The following CACNG4 variants were observed in gnomAD, a reference collection of about 807,000 sequenced individuals.
CACNG4 encodes calcium voltage-gated channel auxiliary subunit gamma 4.
CACNG4 carries 8 observed loss-of-function variants against 22.9 expected under a neutral mutation model. The ratio of observed to expected loss-of-function variants is 0.35; its 90% CI spans 0.21 to 0.63. The LOEUF is 0.63. Ranked by LOEUF, CACNG4 falls within the 30% of genes least tolerant of loss-of-function variation. The pLI is 0.72. For missense variants in CACNG4, 357 were observed against 455.4 expected (o/e 0.78, Z 1.97); for synonymous variants, 188 against 191.9 (o/e 0.98, Z 0.17).
At chr17:66,982,066 A>G (rs1258575083) in intron 1 of CACNG4, among the ~76,000 whole-genome samples, 1 of 152,200 alleles carries the variant, frequency 6.6e-6, no homozygotes, top group Non-Finnish European at 1.5e-5. Context: ...GAATGAAGCC[A>G]TGGACGTTTG....
chr17:67,001,036 G>C (rs1413040563), intron 1 of CACNG4, among the ~76,000 whole-genome samples: 1 of 151,970 alleles, frequency 6.6e-6, no homozygotes, highest in African/African-American at 2.4e-5. Context: ...GGAGGGACCT[G>C]GGGGGAGGTA....
chr17:66,998,763 G>A (rs1029141580), intron 1 of CACNG4, among the ~76,000 whole-genome samples: 1 of 152,206 alleles, frequency 6.6e-6, no homozygotes, highest in African/African-American at 2.4e-5. Context: ...TTTCATTTGG[G>A]AACAATCTGC....
rs150301909 is a variant in CACNG4 at position 67,031,424 on chromosome 17, C to G, written c.*420C>G. 2.2e-6 allele frequency: 1 copy of G among 462,184 alleles called. No individual in the cohort carries two copies. The highest frequency in any genetic ancestry group is 2.3e-5 in the Admixed American group (1 of 42,712). 28.6% of individuals were successfully genotyped at this position (462,184 alleles called of 1,614,324 possible). On this transcript the variant is annotated 3_prime_UTR_variant, in exon 4 of 4. Coordinates refer to ENST00000262138, the MANE Select transcript of CACNG4 (RefSeq NM_014405.4). This position sits in a 1 kb window ranked among gnomAD's most constrained non-coding sequence, Gnocchi z 4.0. ...GTGTCGGGCCACCAGAAGGCTCTGCCGGACGCCAAGAAGACGGTCTCTGGG... is the reference window on the plus strand; with the variant it reads ...GTGTCGGGCCACCAGAAGGCTCTGCGGGACGCCAAGAAGACGGTCTCTGGG...
intron 1 of CACNG4, among the ~76,000 whole-genome samples, chr17:66,972,371 A>T (rs1598100448): frequency 6.6e-6 from 1 of 152,092 alleles, no homozygotes; most frequent in Non-Finnish European, 1.5e-5. Flanking sequence ...ATCCTCTGTC[A>T]CAGGAGCTGT....
At chr17:67,011,520 G>T (rs1034530474) in intron 1 of CACNG4, among the ~76,000 whole-genome samples, 4 of 152,094 alleles carry the variant, frequency 2.6e-5, no homozygotes, top group African/African-American at 9.7e-5. Context: ...GCCTTGCCCT[G>T]CTCCACCAGA....
intron 1 of CACNG4, among the ~76,000 whole-genome samples, chr17:66,972,517 A>G (rs190029798): frequency 1.3e-5 from 2 of 152,346 alleles, no homozygotes; most frequent in Admixed American, 1.3e-4. Context: ...AACTGCCCCC[A>G]TGGAGAACCT....
At chr17:67,024,128 C>T (rs2143367245) in intron 2 of CACNG4, among the ~76,000 whole-genome samples, 1 of 152,308 alleles carries the variant, frequency 6.6e-6, no homozygotes, top group Non-Finnish European at 1.5e-5. Flanking sequence ...TCACGAGCAT[C>T]CCTCTCGGCC....
chr17:67,023,680 T>C (rs1254177828), intron 2 of CACNG4, among the ~76,000 whole-genome samples: 1 of 151,770 alleles, frequency 6.6e-6, no homozygotes, highest in Non-Finnish European at 1.5e-5. Context: ...CGAGAGATTC[T>C]CCTGCCTCAG....
rs148086401 is a variant in CACNG4 at position 66,978,415 on chromosome 17, G to A, written c.220+13284G>A. On this transcript the variant is annotated intron_variant, in intron 1 of 3. Coordinates refer to ENST00000262138, the MANE Select transcript of CACNG4 (RefSeq NM_014405.4). ...GGGAGGGGACCCAGAGTGAAGATGG[G>A]TCTCAGAGGAAGGGGGGCTTCGGTT... is the stretch of plus-strand genomic sequence containing the variant. Among the ~76,000 whole-genome samples, 27 of 152,252 alleles carry A rather than the reference G, an allele frequency of 1.8e-4. No homozygotes were observed. In the East Asian group the frequency reaches 5.0e-3, roughly 28 times the overall value.
intron 1 of CACNG4, among the ~76,000 whole-genome samples, chr17:66,993,553 A>G (rs2035354855): frequency 6.6e-6 from 1 of 152,184 alleles, no homozygotes; most frequent in Non-Finnish European, 1.5e-5. Context: ...GTTCTTGCAC[A>G]CACAAGGGGG....
chr17:66,975,722 A>T (rs1316415261), intron 1 of CACNG4, among the ~76,000 whole-genome samples: 3 of 151,984 alleles, frequency 2.0e-5, no homozygotes, highest in Admixed American at 6.6e-5. Context: ...GAAGCTGAGC[A>T]CCCCCCAGTG....
chr17:66,965,850 T>TG (rs1567747681), intron 1 of CACNG4, among the ~76,000 whole-genome samples: 2 of 150,632 alleles, frequency 1.3e-5, no homozygotes, highest in Non-Finnish European at 3.0e-5. Context: ...CGCTGTGCGG[T>TG]GGGGTGGTAA....
At chr17:66,977,450 G>C (rs9902939) in intron 1 of CACNG4, among the ~76,000 whole-genome samples, 23,678 of 152,190 alleles carry the variant, frequency 0.16, 3,439 homozygotes, top group African/African-American at 0.38. Flanking sequence ...GGATCGATGA[G>C]ACCTGCATTT....
chr17:66,999,577 G>A (rs1050240320), intron 1 of CACNG4, among the ~76,000 whole-genome samples: 7 of 152,302 alleles, frequency 4.6e-5, no homozygotes, highest in South Asian at 2.1e-4. Context: ...GACAGCGAGC[G>A]AAGAGGGAAC....
chr17:66,964,956 C>T lies in CACNG4; in HGVS notation c.45C>T (p.Ala15=). The change falls in exon 1 of 4, where the codon GCC becomes GCT. Residue 15 remains alanine, a synonymous_variant. Transcript: ENST00000262138. ...GGCTGCAGATGCTGCTGACCACGGC[C>T]GGAGCCTTCGCCGCCTTCTCGCTCA... ...DRGLQMLLTT[A]GAFAAFSLMA... 1 of 1,607,492 alleles carries T rather than the reference C, an allele frequency of 6.2e-7. No homozygotes were observed. Among genetic ancestry groups the T allele is most frequent in the African/African-American group, 1.3e-5 (1 of 74,610 alleles).
At chr17:67,002,076 A>G (rs555410744) in intron 1 of CACNG4, among the ~76,000 whole-genome samples, 1 of 152,366 alleles carries the variant, frequency 6.6e-6, no homozygotes, top group South Asian at 2.1e-4. Context: ...ACTGCTATGA[A>G]GAAATACCTG....
intron 1 of CACNG4, among the ~76,000 whole-genome samples, chr17:66,983,001 G>A (rs989617210): frequency 2.0e-5 from 3 of 151,408 alleles, no homozygotes; most frequent in African/African-American, 7.3e-5. Context: ...ACTGAGGCAC[G>A]GGGAAGTTAA....
At chr17:67,021,531 CT>C (rs1451217395) in intron 2 of CACNG4, 1 of 152,284 alleles carries the variant, frequency 6.6e-6, no homozygotes, top group Admixed American at 6.5e-5. Flanking sequence ...GCAGAGCCCC[CT>C]GAAGGCCTCT....
In CACNG4 at chr17:66,965,934, G is replaced by A. The variant is rs541522793; in HGVS notation, c.220+803G>A. Among the ~76,000 whole-genome samples the A allele has an allele frequency of 1.1e-4, 16 of 152,272 alleles. No homozygotes were observed. In the South Asian group the frequency reaches 2.9e-3, roughly 28 times the overall value. On this transcript the variant is annotated intron_variant, in intron 1 of 3. Transcript: ENST00000262138. ...GGCCCCTCAGCAGGGAGGCTGCGGA[G>A]ACCTCAGTAGGAAACTAGGGTGTGC... is the stretch of plus-strand genomic sequence containing the variant.
Sources: gnomAD v4.1 joint callset for allele counts (sites outside exome capture counted in the v4.1 genomes callset) on GRCh38, gnomAD v4.1.1 for gene constraint, Gnocchi (gnomAD v3.1) non-coding constraint, MANE v1.5 for transcripts, NCBI Gene and HGNC (gene_info 2026-07-23, HGNC 2026-07-21) for gene names.